The following AFAP1L2 variants were observed in gnomAD, a reference collection of about 807,000 sequenced individuals.
AFAP1L2 encodes the protein actin filament-associated protein 1-like 2.
A neutral mutation model predicts 99.3 loss-of-function variants in AFAP1L2; 46 were observed. That is an observed-to-expected ratio of 0.46 (90% confidence interval 0.37 to 0.59). The LOEUF is 0.59. Ranked by LOEUF, AFAP1L2 falls within the 20% of genes least tolerant of loss-of-function variation. AFAP1L2 has a pLI of 0.00. For synonymous variants in AFAP1L2, 397 were observed against 419.1 expected (o/e 0.95, Z 0.64); for missense variants, 959 against 1,034.9 (o/e 0.93, Z 1.01).
intron 2 of AFAP1L2, among the ~76,000 whole-genome samples, chr10:114,337,980 C>G (rs545349731): frequency 4.6e-4 from 70 of 152,280 alleles, no homozygotes; most frequent in African/African-American, 1.6e-3. Context: ...GCACTCCCGG[C>G]GGCAGGCGGG....
At chr10:114,395,935 C>T (rs2138208580) in intron 1 of AFAP1L2, among the ~76,000 whole-genome samples, 1 of 152,316 alleles carries the variant, frequency 6.6e-6, no homozygotes, top group African/African-American at 2.4e-5. Context: ...TGCACAAAAA[C>T]ACTGCCTGCC....
At chr10:114,397,806 T>C (rs905320318) in intron 1 of AFAP1L2, among the ~76,000 whole-genome samples, 2 of 152,172 alleles carry the variant, frequency 1.3e-5, no homozygotes, top group Non-Finnish European at 2.9e-5. Context: ...AAGGCTGATT[T>C]GCAGTGTGCT....
At chr10:114,286,091 G>A in the AFAP1L2 span, 1 of 1,614,172 alleles carries the variant, frequency 6.2e-7, no homozygotes. Flanking sequence ...CCGAGTGGGT[G>A]TGGCCACATA....
At chr10:114,391,141 C>G (rs564353889) in intron 1 of AFAP1L2, among the ~76,000 whole-genome samples, 99 of 152,216 alleles carry the variant, frequency 6.5e-4, no homozygotes, top group African/African-American at 2.4e-3. Flanking sequence ...TGAACAGAGC[C>G]CTTAACTTTG....
At chr10:114,372,166 G>A (rs1199914978) in intron 1 of AFAP1L2, among the ~76,000 whole-genome samples, 2 of 152,170 alleles carry the variant, frequency 1.3e-5, no homozygotes, top group Non-Finnish European at 2.9e-5. Context: ...TCGTTTTGTG[G>A]AGAATCTCAG....
chr10:114,383,278 T>A (rs951248259), intron 1 of AFAP1L2, among the ~76,000 whole-genome samples: 2 of 151,550 alleles, frequency 1.3e-5, no homozygotes, highest in African/African-American at 4.9e-5. Flanking sequence ...TTAGAACTTA[T>A]TACCATAGGG....
At chr10:114,286,101 A>T in the AFAP1L2 span, 5 of 1,614,150 alleles carry the variant, frequency 3.1e-6, no homozygotes, top group African/African-American at 5.3e-5. Flanking sequence ...GTGGCCACAT[A>T]CAGCAGGGAG....
At chr10:114,394,057 C>T (rs2057432940) in intron 1 of AFAP1L2, among the ~76,000 whole-genome samples, 1 of 152,134 alleles carries the variant, frequency 6.6e-6, no homozygotes, top group Admixed American at 6.5e-5. Context: ...CGAGTCACAG[C>T]ACTGTTTAAG....
intron 1 of AFAP1L2, among the ~76,000 whole-genome samples, chr10:114,346,119 G>T (rs908713337): frequency 2.0e-5 from 3 of 152,188 alleles, no homozygotes; most frequent in Non-Finnish European, 4.4e-5. Flanking sequence ...TGAAGGGGAA[G>T]CCCCAGGGTT....
At chr10:114,387,685 A>G (rs1346284659) in intron 1 of AFAP1L2, among the ~76,000 whole-genome samples, 1 of 152,214 alleles carries the variant, frequency 6.6e-6, no homozygotes, top group East Asian at 1.9e-4. Flanking sequence ...CATGGTTGCA[A>G]TGTCCAAGCC....
rs1564787610 is a variant in AFAP1L2 at position 114,300,702 on chromosome 10, A to G, written c.1543-12T>C. 1.9e-6 allele frequency: 3 copies of G among 1,576,362 alleles called. No individual in the cohort carries two copies. The highest frequency in any genetic ancestry group is 1.2e-5 in the South Asian group (1 of 83,136). ...TCGGTAGGCTCCACCTGCAGGAGAG[A>G]GTGAGTCTGGGGCATTCAACATTAC... is the stretch of plus-strand genomic sequence containing the variant. On this transcript the variant is annotated splice_polypyrimidine_tract_variant and intron_variant, in intron 13 of 18. Coordinates refer to ENST00000304129, the MANE Select transcript of AFAP1L2 (RefSeq NM_001001936.3).
chr10:114,384,324 T>TCC (rs373711842), intron 1 of AFAP1L2, among the ~76,000 whole-genome samples: 15 of 146,280 alleles, frequency 1.0e-4, no homozygotes, highest in Admixed American at 2.1e-4. Flanking sequence ...TTGTCTGTCG[T>TCC]CCCCCCCCCG....
At chr10:114,290,319 C>T (rs2039447056), downstream of AFAP1L2, 1 of 1,550,486 alleles carries the variant, frequency 6.4e-7, no homozygotes, top group South Asian at 1.2e-5. Context: ...ATGGGAGCTA[C>T]CGCTGCAAGT....
chr10:114,289,197 C>T, the AFAP1L2 span: 33 of 1,613,358 alleles, frequency 2.0e-5, no homozygotes, highest in African/African-American at 1.1e-4. Flanking sequence ...TGGGCTCAGC[C>T]GGCACCGCCC....
intron 2 of AFAP1L2, among the ~76,000 whole-genome samples, chr10:114,339,710 C>T (rs1399291896): frequency 6.6e-6 from 1 of 151,912 alleles, no homozygotes; most frequent in African/African-American, 2.4e-5. Context: ...TGACTGATAT[C>T]CTTATAAAGA....
At chr10:114,365,526 T>C (rs2053092230) in intron 1 of AFAP1L2, among the ~76,000 whole-genome samples, 2 of 151,968 alleles carry the variant, frequency 1.3e-5, no homozygotes, top group Admixed American at 1.3e-4. Context: ...AGAAAGATAA[T>C]CTTTATCCTG....
intron 1 of AFAP1L2, chr10:114,398,850 C>G (rs2057978982): frequency 7.7e-7 from 1 of 1,304,198 alleles, no homozygotes; most frequent in African/African-American, 1.5e-5. Context: ...CTCATACTCA[C>G]ACGCAGAAAC....
chr10:114,391,830 C>T (rs72826940), intron 1 of AFAP1L2, among the ~76,000 whole-genome samples: 2,315 of 152,192 alleles, frequency 0.015, 36 homozygotes, highest in Non-Finnish European at 0.025. Flanking sequence ...ACAAGGAGCC[C>T]GGTATGACTG....
At chr10:114,400,887 C>G (rs1473415350) in intron 1 of AFAP1L2, among the ~76,000 whole-genome samples, 7 of 152,164 alleles carry the variant, frequency 4.6e-5, no homozygotes, top group African/African-American at 7.2e-5. Context: ...TTTAGAACTA[C>G]TGCCTTAGAT....
Sources: gnomAD v4.1 joint callset for allele counts (sites outside exome capture counted in the v4.1 genomes callset) on GRCh38, gnomAD v4.1.1 for gene constraint, MANE v1.5 for transcripts, NCBI Gene and HGNC (gene_info 2026-07-23, HGNC 2026-07-21) for gene names.